Variants in CHMP3 observed in about 807,000 individuals in gnomAD.
CHMP3 encodes charged multivesicular body protein 3, also known as 25.1 protein.
CHMP3 carries 8 observed loss-of-function variants against 27.4 expected under a neutral mutation model. The observed-to-expected ratio is 0.29, with a 90% CI of 0.17 to 0.53. The LOEUF (loss-of-function observed/expected upper bound fraction) is 0.53, where lower values mean the gene tolerates loss of function less well. Among genes scored for constraint, CHMP3 ranks in the 20% least tolerant of loss-of-function variants. The pLI is 0.96. For missense variants in CHMP3, 208 were observed against 271.5 expected, an observed-to-expected ratio of 0.77 and a Z score of 1.64; for synonymous variants, 86 against 85.5, an observed-to-expected ratio of 1.01 and a Z score of -0.03.
At position 86,556,220 on chromosome 2, in the gene CHMP3, T is replaced by C. The variant is rs1677115102; in HGVS notation, c.45+7084A>G. Among the ~76,000 whole-genome samples, 2 of 152,234 alleles carry C rather than the reference T, an allele frequency of 1.3e-5. 1 individual carries two copies. Among genetic ancestry groups the C allele is most frequent in the South Asian group, 4.1e-4 (2 of 4,830 alleles). On this transcript the variant is annotated intron_variant, in intron 1 of 5. Transcript: ENST00000263856. ...ATAGTGAAAAGTTTCCCTCCCATTT[T>C]TGACCCTCAGCTACGTAGCTCCTCT...
chr2:86,554,813 G>GCA (rs1291561813), intron 1 of CHMP3, among the ~76,000 whole-genome samples: 16 of 104,736 alleles, frequency 1.5e-4, no homozygotes, highest in Admixed American at 6.6e-4. Context: ...ATGTGTGTGC[G>GCA]CGCGTGTGTG....
chr2:86,509,452 T>C (rs1007530091), intron 4 of CHMP3, among the ~76,000 whole-genome samples: 5 of 152,170 alleles, frequency 3.3e-5, no homozygotes, highest in African/African-American at 1.2e-4. Flanking sequence ...AGCCCCTCTC[T>C]CCCATGCCCT....
At chr2:86,554,812 C>CGTGTGTGTGTGT in intron 1 of CHMP3, among the ~76,000 whole-genome samples, 1 of 77,890 alleles carries the variant, frequency 1.3e-5, no homozygotes, top group East Asian at 7.9e-4. Context: ...AATGTGTGTG[C>CGTGTGTGTGTGT]GCGCGTGTGT....
intron 3 of CHMP3, among the ~76,000 whole-genome samples, chr2:86,526,672 C>T (rs906635620): frequency 8.6e-5 from 13 of 150,704 alleles, no homozygotes; most frequent in Non-Finnish European, 1.6e-4. Flanking sequence ...CTCTCTCTCT[C>T]TCTCTCTCTC....
Position 86,549,467 on chromosome 2 carries a change from G to A in CHMP3, c.46-7155C>T, listed in dbSNP as rs187743750. Among the ~76,000 whole-genome samples the A allele has an allele frequency of 7.2e-3, 990 of 136,790 alleles. 9 individuals carry two copies. Among genetic ancestry groups the A allele is most frequent in the African/African-American group, 0.025 (899 of 35,624 alleles). The allele number at this position is 136,790 out of a possible 152,430, so 89.7% of individuals were successfully genotyped here. On this transcript the variant is annotated intron_variant, in intron 1 of 5. Transcript: ENST00000263856. ...CCAGATGGGGTGGCCGGGCAGAGGC[G>A]CTCCTCACTTCCCAGACGGGGCGGC...
At chr2:86,558,939 C>G (rs1677240315) in intron 1 of CHMP3, among the ~76,000 whole-genome samples, 1 of 151,112 alleles carries the variant, frequency 6.6e-6, no homozygotes, top group African/African-American at 2.4e-5. Context: ...AATACTTTAT[C>G]AGTGCATCAG....
At chr2:86,553,243 AC>A (rs1676981894) in intron 1 of CHMP3, among the ~76,000 whole-genome samples, 1 of 152,096 alleles carries the variant, frequency 6.6e-6, no homozygotes, top group South Asian at 2.1e-4. Flanking sequence ...CATAGACAAA[AC>A]CATAACAAGG....
At chr2:86,522,672 A>C (rs1675560101) in intron 3 of CHMP3, among the ~76,000 whole-genome samples, 1 of 151,770 alleles carries the variant, frequency 6.6e-6, no homozygotes, top group African/African-American at 2.4e-5. Flanking sequence ...TCTGTCTTCT[A>C]CTCCATTCTC....
At chr2:86,539,741 G>A (rs1277620816) in intron 2 of CHMP3, among the ~76,000 whole-genome samples, 2 of 151,974 alleles carry the variant, frequency 1.3e-5, no homozygotes, top group African/African-American at 2.4e-5. Context: ...TTAAGAGTCA[G>A]TAAGTTAAAA....
At chr2:86,539,445 A>T (rs1014209519) in intron 2 of CHMP3, among the ~76,000 whole-genome samples, 1 of 152,158 alleles carries the variant, frequency 6.6e-6, no homozygotes, top group Admixed American at 6.5e-5. Context: ...TCTTTTTCCT[A>T]TATCATGTTA....
rs761886011 is a variant in CHMP3 at position 86,563,334 on chromosome 2, T to C, written c.15A>G (p.Gly5=). 1.2e-6 allele frequency: 2 copies of C among 1,614,088 alleles called. No homozygotes were observed. Among genetic ancestry groups the C allele is most frequent in the Non-Finnish European group, 8.5e-7 (1 of 1,179,962 alleles). The change falls in exon 1 of 6, where the codon GGA becomes GGG. Residue 5 remains glycine, a synonymous_variant. Transcript: ENST00000263856. MGLF[G]KTQEKPPKEL... ...CTTTGGGCGGCTTCTCCTGGGTCTT[T>C]CCAAACAGCCCCATGACGAACTGAA...
chr2:86,534,996 C>T (rs886728269), intron 2 of CHMP3, among the ~76,000 whole-genome samples: 1 of 152,120 alleles, frequency 6.6e-6, no homozygotes, highest in Non-Finnish European at 1.5e-5. Context: ...GTGGCTCATG[C>T]CTGTAATCCT....
intron 4 of CHMP3, 89 bp downstream of exon 4, chr2:86,510,268 AT>A (rs1273800512): frequency 6.6e-7 from 1 of 1,522,266 alleles, no homozygotes; most frequent in Non-Finnish European, 8.9e-7. Flanking sequence ...TAGTCTGTTC[AT>A]CCCCACCCAC....
At chr2:86,555,793 T>G (rs1022795191) in intron 1 of CHMP3, among the ~76,000 whole-genome samples, 3 of 152,196 alleles carry the variant, frequency 2.0e-5, no homozygotes, top group Non-Finnish European at 4.4e-5. Flanking sequence ...ATCCCTCTTA[T>G]AAGGATACAG....
At position 86,507,751 on chromosome 2, in the gene CHMP3, T is replaced by A. The variant is rs1674941444; in HGVS notation, c.409-158A>T. On this transcript the variant is annotated intron_variant, in intron 4 of 5. Transcript: ENST00000263856. ...CCAAAGGAAACACTGGATGTTGTCC[T>A]CTCTGCAGAAATGCAAAAGCCCCAA... 2.0e-5 allele frequency among the ~76,000 whole-genome samples: 3 copies of A among 152,154 alleles called. 1 individual carries two copies. Among genetic ancestry groups the A allele is most frequent in the Admixed American group, 2.0e-4 (3 of 15,272 alleles).
chr2:86,561,153 T>G (rs1677343836), intron 1 of CHMP3, among the ~76,000 whole-genome samples: 1 of 152,164 alleles, frequency 6.6e-6, no homozygotes, highest in South Asian at 2.1e-4. Context: ...ACCTTTATAA[T>G]CCCTCTTTGG....
At chr2:86,535,476 A>T (rs1299455065) in intron 2 of CHMP3, among the ~76,000 whole-genome samples, 1 of 152,084 alleles carries the variant, frequency 6.6e-6, no homozygotes, top group Non-Finnish European at 1.5e-5. Context: ...ATTATGCTTA[A>T]CATCCTAAAC....
chr2:86,514,670 TAAATG>T (rs1675228184), intron 3 of CHMP3, among the ~76,000 whole-genome samples: 1 of 152,176 alleles, frequency 6.6e-6, no homozygotes, highest in Admixed American at 6.5e-5. Flanking sequence ...GCTGAATGAA[TAAATG>T]AATCAATCTA....
intron 2 of CHMP3, among the ~76,000 whole-genome samples, chr2:86,532,624 G>A (rs900425757): frequency 1.3e-5 from 2 of 151,910 alleles, no homozygotes; most frequent in South Asian, 2.1e-4. Flanking sequence ...ATTCCTAGTT[G>A]TTGTTTTTAG....
Sources: gnomAD v4.1 joint callset for allele counts (sites outside exome capture counted in the v4.1 genomes callset) on GRCh38, gnomAD v4.1.1 for gene constraint, MANE v1.5 for transcripts, NCBI Gene and HGNC (gene_info 2026-07-23, HGNC 2026-07-21) for gene names.